SMARCD3: variants seen among roughly 807,000 people sequenced by gnomAD.
The protein encoded by SMARCD3 is SWI/SNF-related matrix-associated actin-dependent regulator of chromatin subfamily D member 3.
A neutral mutation model predicts 58.0 loss-of-function variants in SMARCD3; 14 were observed. The ratio of observed to expected loss-of-function variants is 0.24; its 90% CI spans 0.16 to 0.38. The LOEUF (loss-of-function observed/expected upper bound fraction) is 0.38. Ranked by LOEUF, SMARCD3 falls within the 10% of genes least tolerant of loss-of-function variation. The pLI is 1.00. For synonymous variants in SMARCD3, 253 were observed against 253.8 expected (o/e 1.00, Z 0.03); for missense variants, 408 against 636.9 (o/e 0.64, Z 3.87).
At chr7:151,276,790 G>A (rs967658540), upstream of SMARCD3, 3 of 129,698 alleles carry the variant, frequency 2.3e-5, no homozygotes, top group East Asian at 2.5e-4. Context: ...TGAGGAGAAG[G>A]TGCCAGGCAG....
At chr7:151,265,205 T>TA (rs2150612546) in intron 2 of SMARCD3, among the ~76,000 whole-genome samples, 1 of 152,278 alleles carries the variant, frequency 6.6e-6, no homozygotes, top group African/African-American at 2.4e-5. Context: ...GTAATCAATT[T>TA]AAAATGAGGT....
chr7:151,238,880 G>C lies in SMARCD3; in HGVS notation c.*223C>G, dbSNP rs550600537. The C allele has an allele frequency of 7.5e-7, 1 of 1,336,570 alleles. No individual in the cohort carries two copies. Among genetic ancestry groups the C allele is most frequent in the South Asian group, 1.3e-5 (1 of 75,530 alleles). The allele number at this position is 1,336,570 out of a possible 1,614,324, so 82.8% of individuals were successfully genotyped here. On this transcript the variant is annotated 3_prime_UTR_variant, in exon 13 of 13. Transcript: ENST00000262188. Reference sequence around the variant, plus strand: ...AGAAGAATCCAAGGGAAGGGAATGGGGAGTCGTCCCGAGGGACCCACTGCC... The same window carrying C: ...AGAAGAATCCAAGGGAAGGGAATGGCGAGTCGTCCCGAGGGACCCACTGCC...
In SMARCD3 at chr7:151,242,678, C is replaced by T. The variant is rs139587168; in HGVS notation, c.456+43G>A. On this transcript the variant is annotated intron_variant, in intron 4 of 12. Transcript: ENST00000262188. This position sits in a 1 kb window ranked among gnomAD's most constrained non-coding sequence, Gnocchi z 4.7. Reference sequence around the variant, plus strand: ...GACCACCCTGCTTCCCCATCCTGGTCACACAACTCTAGAGTCCCCTTCCTA... The same window carrying T: ...GACCACCCTGCTTCCCCATCCTGGTTACACAACTCTAGAGTCCCCTTCCTA... 18 of 1,613,360 alleles carry T rather than the reference C, an allele frequency of 1.1e-5. No individual in the cohort carries two copies. In the African/African-American group the frequency reaches 2.0e-4, roughly 18 times the overall value.
intron 1 of SMARCD3, among the ~76,000 whole-genome samples, chr7:151,276,028 G>A: frequency 6.6e-6 from 1 of 151,846 alleles, no homozygotes; most frequent in East Asian, 1.9e-4. Flanking sequence ...GAGGAAGGAG[G>A]AGGCTGGAGA....
At position 151,239,834 on chromosome 7, in the gene SMARCD3, G is replaced by T; in HGVS notation, c.1174-88C>A. ...GAAGCGGGTGGGAAGGGGAGGGAGA[G>T]GGGGTTTCTTCTGTGAAGGACAACC... On this transcript the variant is annotated intron_variant, in intron 10 of 12. Coordinates refer to ENST00000262188, the MANE Select transcript of SMARCD3 (RefSeq NM_001003801.2). This position sits in a 1 kb window ranked among gnomAD's most constrained non-coding sequence, Gnocchi z 7.0. The T allele has an allele frequency of 7.3e-7, 1 of 1,377,554 alleles. No homozygotes were observed. The highest frequency in any genetic ancestry group is 1.0e-6 in the Non-Finnish European group (1 of 978,590). 85.3% of individuals were successfully genotyped at this position (1,377,554 alleles called of 1,614,324 possible).
chr7:151,262,374 G>T (rs1414469525), intron 2 of SMARCD3, among the ~76,000 whole-genome samples: 1 of 152,224 alleles, frequency 6.6e-6, no homozygotes, highest in Non-Finnish European at 1.5e-5. Context: ...GAGCCACCAT[G>T]CCCAGCTTTG....
Position 151,248,681 on chromosome 7 carries a change from T to G in SMARCD3, c.-119A>C. 1 of 1,434,940 alleles carries G rather than the reference T, an allele frequency of 7.0e-7. No homozygotes were observed. The highest frequency in any genetic ancestry group is 9.2e-7 in the Non-Finnish European group (1 of 1,081,740). 88.9% of individuals were successfully genotyped at this position (1,434,940 alleles called of 1,614,324 possible). On this transcript the variant is annotated 5_prime_UTR_variant, in exon 1 of 13. Coordinates refer to ENST00000262188, the MANE Select transcript of SMARCD3 (RefSeq NM_001003801.2). This position sits in a 1 kb window ranked among gnomAD's most constrained non-coding sequence, Gnocchi z 6.1. The stretch of plus-strand genomic sequence containing the variant: ...GTCCTGCTGGGCTCTCTCACACTTC[T>G]ACTCGAGCGGAGTGGGGAGGGGGCC...
At chr7:151,254,677 C>T (rs567318535) in intron 2 of SMARCD3, among the ~76,000 whole-genome samples, 1 of 152,344 alleles carries the variant, frequency 6.6e-6, no homozygotes, top group South Asian at 2.1e-4. Flanking sequence ...CATTCTGGTA[C>T]CTCCAATTCT....
At chr7:151,274,073 T>C (rs1795259153) in intron 2 of SMARCD3, among the ~76,000 whole-genome samples, 1 of 152,284 alleles carries the variant, frequency 6.6e-6, no homozygotes, top group Non-Finnish European at 1.5e-5. Context: ...TTTCCAGGAC[T>C]TTCCTGATGT....
rs1484196453 is a variant in SMARCD3, at chr7:151,238,781, T to A, written c.*322A>T. Reference sequence around the variant, plus strand: ...GACAGATAGAGAATTGTTGCTGTATTTTTTAAATATGAAAATGTTATTAAA... The same window carrying A: ...GACAGATAGAGAATTGTTGCTGTATATTTTAAATATGAAAATGTTATTAAA... On this transcript the variant is annotated 3_prime_UTR_variant, in exon 13 of 13. Coordinates refer to ENST00000262188, the MANE Select transcript of SMARCD3 (RefSeq NM_001003801.2). The A allele has an allele frequency of 1.3e-6, 2 of 1,567,622 alleles. No individual in the cohort carries two copies. The highest frequency in any genetic ancestry group is 2.7e-5 in the African/African-American group (2 of 73,972).
At chr7:151,259,803 T>A (rs1462219159) in intron 2 of SMARCD3, among the ~76,000 whole-genome samples, 1 of 151,588 alleles carries the variant, frequency 6.6e-6, no homozygotes, top group Non-Finnish European at 1.5e-5. Context: ...AGAGACGGGG[T>A]TTCACCATGT....
At chr7:151,247,311 A>G (rs2150597512) in intron 1 of SMARCD3, among the ~76,000 whole-genome samples, 1 of 152,094 alleles carries the variant, frequency 6.6e-6, no homozygotes, top group East Asian at 1.9e-4. Context: ...CAGCCAGGTT[A>G]GGACTGGTAA....
chr7:151,248,977 G>A (rs1803413594), upstream of SMARCD3: 1 of 151,704 alleles, frequency 6.6e-6, no homozygotes, highest in African/African-American at 2.4e-5. This position sits in a 1 kb window ranked among gnomAD's most constrained non-coding sequence, Gnocchi z 6.1. Context: ...GCCCGCGGGA[G>A]GCGGCGCGGG....
At chr7:151,262,003 A>T (rs1428423599) in intron 2 of SMARCD3, among the ~76,000 whole-genome samples, 1 of 152,118 alleles carries the variant, frequency 6.6e-6, no homozygotes, top group Non-Finnish European at 1.5e-5. Flanking sequence ...TGGCCCCGCA[A>T]CTGAGCTGTG....
Position 151,242,398 on chromosome 7 carries a change from C to G in SMARCD3, c.579+83G>C. 1.9e-6 allele frequency: 3 copies of G among 1,570,546 alleles called. No individual in the cohort carries two copies. The highest frequency in any genetic ancestry group is 1.3e-5 in the African/African-American group (1 of 74,134). On this transcript the variant is annotated intron_variant, in intron 5 of 12. Coordinates refer to ENST00000262188, the MANE Select transcript of SMARCD3 (RefSeq NM_001003801.2). The surrounding 1 kb of genome is among the most constrained non-coding windows in gnomAD (Gnocchi z 4.7). ...ACCCAGCCTGGGCTGACTCCCTAGCCCTTAGTGCAGACACCTTGTTCTGTT... is the reference window on the plus strand; with the variant it reads ...ACCCAGCCTGGGCTGACTCCCTAGCGCTTAGTGCAGACACCTTGTTCTGTT...
intron 2 of SMARCD3, among the ~76,000 whole-genome samples, chr7:151,255,842 G>A (rs1369608838): frequency 2.0e-5 from 3 of 151,220 alleles, no homozygotes; most frequent in Non-Finnish European, 4.4e-5. Flanking sequence ...TTTTGACGGT[G>A]ACACATAACA....
chr7:151,256,327 T>C (rs1172963915), intron 2 of SMARCD3, among the ~76,000 whole-genome samples: 1 of 152,036 alleles, frequency 6.6e-6, no homozygotes, highest in East Asian at 1.9e-4. Flanking sequence ...CACACCACCA[T>C]GCCTAGCTAC....
chr7:151,240,290 A>AT (rs780290027), intron 9 of SMARCD3, 43 bp from the exon 10 acceptor site: 335 of 1,437,300 alleles, frequency 2.3e-4, no homozygotes, highest in Non-Finnish European at 2.8e-4. Flanking sequence ...ATGCCCCCAT[A>AT]CGGCCCCAGG....
intron 2 of SMARCD3, among the ~76,000 whole-genome samples, chr7:151,261,726 C>A (rs1298890346): frequency 6.6e-6 from 1 of 152,184 alleles, no homozygotes; most frequent in Non-Finnish European, 1.5e-5. Context: ...TGCCAAACAA[C>A]CCCCAGCTAG....
Sources: gnomAD v4.1 joint callset for allele counts (sites outside exome capture counted in the v4.1 genomes callset) on GRCh38, gnomAD v4.1.1 for gene constraint, Gnocchi (gnomAD v3.1) non-coding constraint, MANE v1.5 for transcripts, NCBI Gene and HGNC (gene_info 2026-07-23, HGNC 2026-07-21) for gene names.